The following NSUN4 variants were observed in gnomAD, a reference collection of about 807,000 sequenced individuals.
NSUN4 encodes the protein 5-cytosine rRNA methyltransferase NSUN4.
In NSUN4, 31 loss-of-function variants were observed where a neutral mutation model predicts 43.8. The ratio of observed to expected loss-of-function variants is 0.71; its 90% CI spans 0.53 to 0.96. NSUN4 has a LOEUF of 0.96. NSUN4 is among the 40% of genes least tolerant of loss of function. NSUN4 has a pLI of 0.00. For synonymous variants in NSUN4, 167 were observed against 184.1 expected (o/e 0.91, Z 0.75); for missense variants, 439 against 475.6 (o/e 0.92, Z 0.72).
chr1:46,366,801 G>C (rs72888885), downstream of NSUN4, among the ~76,000 whole-genome samples: 935 of 150,814 alleles, frequency 6.2e-3, 13 homozygotes, highest in African/African-American at 0.021. Flanking sequence ...ATCATATTGA[G>C]AGACCTGGAA....
Position 46,361,746 on chromosome 1 carries a change from T to G in NSUN4, c.1055T>G (p.Phe352Cys). 1 of 1,614,224 alleles carries G rather than the reference T, an allele frequency of 6.2e-7. No individual in the cohort carries two copies. Among genetic ancestry groups the G allele is most frequent in the South Asian group, 1.1e-5 (1 of 91,084 alleles). ...TTCCGAAGGGTTTTCATGGACACAT[T>G]TTGTTTCTTCTCATCCTGTCAGGTT... ...THFRRVFMDT[F>C]CFFSSCQVGE... The change falls in exon 6 of 6, where the codon TTT (phenylalanine) becomes TGT (cysteine). Residue 352 changes from phenylalanine to cysteine, a missense_variant. Transcript: ENST00000474844.
the NSUN4 span, among the ~76,000 whole-genome samples, chr1:46,383,077 C>T: frequency 6.6e-6 from 1 of 152,198 alleles, no homozygotes; most frequent in African/African-American, 2.4e-5. Flanking sequence ...GGCATTCCTT[C>T]TGCTTCTTGG....
In NSUN4 at chr1:46,363,240, C is replaced by T. The variant is rs1663990231; in HGVS notation, c.*1394C>T. ...CTGGAAGATCTCTGAGACTCAAAAT[C>T]AGGTGAAGCTAGGAAGATGGAGCTT... is the stretch of plus-strand genomic sequence containing the variant. On this transcript the variant is annotated 3_prime_UTR_variant, in exon 6 of 6. Transcript: ENST00000474844. The T allele has an allele frequency of 6.6e-6, 1 of 152,354 alleles. No homozygotes were observed. Among genetic ancestry groups the T allele is most frequent in the Admixed American group, 6.5e-5 (1 of 15,286 alleles). The allele number at this position is 152,354 out of a possible 1,614,324, so 9.4% of individuals were successfully genotyped here. A position where few individuals can be genotyped will look rare whatever the true frequency, so the allele number is the denominator to read the frequency against.
At chr1:46,371,262 G>A in the NSUN4 span, among the ~76,000 whole-genome samples, 2 of 151,476 alleles carry the variant, frequency 1.3e-5, no homozygotes, top group Non-Finnish European at 2.9e-5. Context: ...CGAGTAGCTG[G>A]GATTACAGGT....
chr1:46,377,272 A>G, the NSUN4 span, among the ~76,000 whole-genome samples: 2 of 151,950 alleles, frequency 1.3e-5, no homozygotes, highest in East Asian at 3.9e-4. Context: ...CTGGTCTCAA[A>G]CTCCTGACTT....
intron 5 of NSUN4, among the ~76,000 whole-genome samples, chr1:46,361,052 G>A (rs1663832334): frequency 6.6e-6 from 1 of 152,108 alleles, no homozygotes; most frequent in African/African-American, 2.4e-5. Context: ...GGGGCTGAGG[G>A]AGGAGAATCA....
At chr1:46,356,592 T>C (rs1256051814) in intron 4 of NSUN4, among the ~76,000 whole-genome samples, 1 of 151,862 alleles carries the variant, frequency 6.6e-6, no homozygotes, top group Non-Finnish European at 1.5e-5. Context: ...CTCGGGAGGC[T>C]GAGGCAGGAG....
chr1:46,370,354 T>C, the NSUN4 span, among the ~76,000 whole-genome samples: 1 of 152,166 alleles, frequency 6.6e-6, no homozygotes, highest in African/African-American at 2.4e-5. Context: ...GAATTATCGC[T>C]CACAACCATG....
intron 3 of NSUN4, among the ~76,000 whole-genome samples, chr1:46,348,623 C>T (rs575602720): frequency 3.7e-4 from 54 of 147,544 alleles, no homozygotes; most frequent in Non-Finnish European, 5.5e-4. Context: ...GCAGGAAAAT[C>T]GCTTGAACCT....
chr1:46,344,831 C>G lies in NSUN4; in HGVS notation c.124C>G (p.Arg42Gly). The G allele has an allele frequency of 2.5e-6, 4 of 1,614,080 alleles. No individual in the cohort carries two copies. Among genetic ancestry groups the G allele is most frequent in the East Asian group, 4.5e-5 (2 of 44,888 alleles). Residue 42 changes from arginine to glycine, a missense_variant, in exon 2 of 6, where the codon CGA becomes GGA. Transcript: ENST00000474844. ...AATEPKFPAV[R>G]LALQNFDMTY... Reference sequence around the variant, plus strand: ...CACAGAGCCCAAATTCCCTGCTGTTCGACTGGCTTTGCAGAATTTTGACAT... The same window carrying G: ...CACAGAGCCCAAATTCCCTGCTGTTGGACTGGCTTTGCAGAATTTTGACAT...
the NSUN4 span, among the ~76,000 whole-genome samples, chr1:46,371,218 C>G: frequency 6.6e-6 from 1 of 151,216 alleles, no homozygotes; most frequent in Admixed American, 6.6e-5. Flanking sequence ...CTCACTGACT[C>G]CCAGGTTCAA....
the NSUN4 span, among the ~76,000 whole-genome samples, chr1:46,382,489 A>G: frequency 3.3e-5 from 5 of 152,220 alleles, no homozygotes; most frequent in African/African-American, 1.2e-4. Context: ...GTGACCCACA[A>G]AAGTTACTTT....
chr1:46,369,581 A>G (rs1664205346), downstream of NSUN4, among the ~76,000 whole-genome samples: 1 of 152,234 alleles, frequency 6.6e-6, no homozygotes, highest in African/African-American at 2.4e-5. Context: ...GGAGGAAGAG[A>G]TGTTTAAACA....
intron 3 of NSUN4, among the ~76,000 whole-genome samples, chr1:46,352,139 C>T (rs1265080480): frequency 6.9e-6 from 1 of 145,904 alleles, no homozygotes; most frequent in East Asian, 2.0e-4. Context: ...ACTCAGAGAC[C>T]CTGTCTTTAA....
the NSUN4 span, among the ~76,000 whole-genome samples, chr1:46,373,116 A>G: frequency 6.6e-6 from 1 of 152,154 alleles, no homozygotes; most frequent in Admixed American, 6.6e-5. Context: ...TACTGTCCAT[A>G]TTTCTATCAG....
Position 46,360,733 on chromosome 1 carries a change from C to G in NSUN4, c.783C>G (p.Asp261Glu), listed in dbSNP as rs1663806971. The G allele has an allele frequency of 1.2e-6, 2 of 1,613,932 alleles. No homozygotes were observed. Among genetic ancestry groups the G allele is most frequent in the Non-Finnish European group, 1.7e-6 (2 of 1,179,858 alleles). The change falls in exon 5 of 6, where the codon GAC becomes GAG. Residue 261 changes from aspartate (D) to glutamate (E), a missense_variant. Physicochemically the swap from Asp to Glu is conservative, Grantham distance 45 (BLOSUM62 2). Transcript: ENST00000474844. ...RVLVDVPCTT[D>E]RHSLHEEENN... ...TGGTGGATGTGCCCTGTACCACAGACCGCCACTCCCTTCATGAGGAGGAGA... is the reference window on the plus strand; with the variant it reads ...TGGTGGATGTGCCCTGTACCACAGAGCGCCACTCCCTTCATGAGGAGGAGA...
At chr1:46,376,884 A>G in the NSUN4 span, among the ~76,000 whole-genome samples, 1 of 151,880 alleles carries the variant, frequency 6.6e-6, no homozygotes, top group African/African-American at 2.4e-5. Context: ...CAGCCTCCCG[A>G]GTAGCTGGGA....
chr1:46,344,725 C>G, intron 1 of NSUN4, 76 bp from the exon 2 acceptor site: 1 of 1,317,330 alleles, frequency 7.6e-7, no homozygotes, highest in Non-Finnish European at 1.1e-6. Context: ...TGCCCCTAGG[C>G]TCTGAGGTGG....
chr1:46,342,015 G>A (rs1216555732), intron 1 of NSUN4: 2 of 1,183,730 alleles, frequency 1.7e-6, no homozygotes, highest in African/African-American at 3.2e-5. Context: ...TGTACCCTTG[G>A]AAACTGGACC....
Sources: gnomAD v4.1 joint callset for allele counts (sites outside exome capture counted in the v4.1 genomes callset) on GRCh38, gnomAD v4.1.1 for gene constraint, MANE v1.5 for transcripts, NCBI Gene and HGNC (gene_info 2026-07-23, HGNC 2026-07-21) for gene names.